FANCC: variants seen among roughly 807,000 people sequenced by gnomAD.
FANCC encodes Fanconi anemia group C protein.
Under a neutral mutation model 71.3 loss-of-function variants are expected in FANCC, and 55 were observed. That is an observed-to-expected ratio of 0.77 (90% CI 0.62 to 0.97). The LOEUF (loss-of-function observed/expected upper bound fraction) is 0.97. Ranked by LOEUF, FANCC falls within the 50% of genes least tolerant of loss-of-function variation. FANCC has a pLI of 0.00. For missense variants in FANCC, 678 were observed against 670.9 expected (o/e 1.01, Z -0.12); for synonymous variants, 275 against 244.9 (o/e 1.12, Z -1.15).
intron 1 of FANCC, among the ~76,000 whole-genome samples, chr9:95,265,525 A>G (rs1417067504): frequency 6.6e-6 from 1 of 152,164 alleles, no homozygotes; most frequent in East Asian, 1.9e-4. Context: ...GAAAAATACC[A>G]GCCTTCCCTC....
At chr9:95,310,322 G>A (rs535961240) in intron 1 of FANCC, among the ~76,000 whole-genome samples, 2 of 151,656 alleles carry the variant, frequency 1.3e-5, no homozygotes, top group African/African-American at 4.9e-5. Context: ...AGCTATGTTC[G>A]TGCCACTGCA....
Position 95,292,787 on chromosome 9 carries a change from C to T in FANCC, c.-79+24739G>A, listed in dbSNP as rs555133560. 8 of 1,536,848 alleles carry T rather than the reference C, an allele frequency of 5.2e-6. No individual in the cohort carries two copies. In the Admixed American group the frequency reaches 1.0e-4, roughly 19 times the overall value. On this transcript the variant is annotated intron_variant, in intron 1 of 14. Transcript: ENST00000289081. ...ACAGACCATTTTCTCAGTTTTCTCT[C>T]GTAAAACAGCACTTTATGAAAATCC...
chr9:95,241,191 TG>T (rs922189902), intron 3 of FANCC, among the ~76,000 whole-genome samples: 3 of 152,374 alleles, frequency 2.0e-5, no homozygotes, highest in African/African-American at 7.2e-5. Flanking sequence ...TATAGGCAGT[TG>T]GTAGCCAGTA....
intron 6 of FANCC, among the ~76,000 whole-genome samples, chr9:95,170,309 A>G (rs1825579947): frequency 6.6e-6 from 1 of 151,796 alleles, no homozygotes; most frequent in African/African-American, 2.4e-5. Context: ...TCTAATAATT[A>G]TATAGTTTAA....
chr9:95,188,674 G>T (rs1432105767), intron 4 of FANCC, among the ~76,000 whole-genome samples: 2 of 152,182 alleles, frequency 1.3e-5, no homozygotes, highest in African/African-American at 4.8e-5. Flanking sequence ...GTCAGTGTTT[G>T]TGTCTGTTTT....
At chr9:95,263,342 G>A (rs534439999) in intron 1 of FANCC, among the ~76,000 whole-genome samples, 1 of 152,136 alleles carries the variant, frequency 6.6e-6, no homozygotes, top group South Asian at 2.1e-4. Context: ...ATGTCTTAGG[G>A]AGACTGGGAT....
rs1440292981 is a variant in FANCC, at chr9:95,099,159, C to T, written c.*2548G>A. On this transcript the variant is annotated 3_prime_UTR_variant, in exon 15 of 15. Transcript: ENST00000289081. ...GATGTCACGGAGTCCAGGGGAATAACAGCCTGGTTGGAGGGGCGCTCTCCG... is the reference window on the plus strand; with the variant it reads ...GATGTCACGGAGTCCAGGGGAATAATAGCCTGGTTGGAGGGGCGCTCTCCG... 2.3e-5 allele frequency: 5 copies of T among 216,820 alleles called. No individual in the cohort carries two copies. The highest frequency in any genetic ancestry group is 5.8e-5 in the Admixed American group (1 of 17,120). 13.4% of individuals were successfully genotyped at this position (216,820 alleles called of 1,614,324 possible). A position where few individuals can be genotyped will look rare whatever the true frequency, so the allele number is the denominator to read the frequency against.
chr9:95,109,155 G>A (rs561388131), intron 13 of FANCC, among the ~76,000 whole-genome samples: 3 of 152,106 alleles, frequency 2.0e-5, no homozygotes, highest in South Asian at 2.1e-4. Context: ...CAAGTGATAC[G>A]GCCACCTCGG....
intron 1 of FANCC, among the ~76,000 whole-genome samples, chr9:95,271,527 T>A (rs1298289436): frequency 6.6e-6 from 1 of 151,808 alleles, no homozygotes; most frequent in Non-Finnish European, 1.5e-5. Flanking sequence ...GAGGAAGGTG[T>A]CCCCAGAGGG....
chr9:95,136,571 C>G (rs1182129040), intron 7 of FANCC, among the ~76,000 whole-genome samples: 1 of 152,104 alleles, frequency 6.6e-6, no homozygotes, highest in Non-Finnish European at 1.5e-5. Context: ...CCTGTAACCT[C>G]AAACTCCTAG....
At chr9:95,149,833 A>T in intron 7 of FANCC, 90 bp downstream of exon 7, 1 of 1,421,602 alleles carries the variant, frequency 7.0e-7, no homozygotes, top group Non-Finnish European at 9.7e-7. Flanking sequence ...AAACGTTTGG[A>T]CACTGCTGTC....
At chr9:95,267,842 T>C (rs758167407) in intron 1 of FANCC, among the ~76,000 whole-genome samples, 5 of 151,908 alleles carry the variant, frequency 3.3e-5, no homozygotes, top group Non-Finnish European at 5.9e-5. Context: ...AACTGCAAAG[T>C]ATGTAAATCA....
At chr9:95,269,856 A>G (rs551674017) in intron 1 of FANCC, among the ~76,000 whole-genome samples, 2 of 152,278 alleles carry the variant, frequency 1.3e-5, no homozygotes, top group Non-Finnish European at 2.9e-5. Flanking sequence ...ACACAGAGAC[A>G]AAGTATAGAG....
intron 2 of FANCC, among the ~76,000 whole-genome samples, chr9:95,248,034 C>A (rs1233966080): frequency 2.0e-5 from 3 of 152,142 alleles, no homozygotes; most frequent in African/African-American, 4.8e-5. Context: ...ATGTATATAT[C>A]TGTTTATTAC....
chr9:95,126,918 G>T (rs896328526), intron 8 of FANCC: 4 of 323,190 alleles, frequency 1.2e-5, no homozygotes, highest in African/African-American at 8.6e-5. Flanking sequence ...GAGCCTGCCT[G>T]TACTGCCAGT....
At chr9:95,206,310 G>A (rs541392696) in intron 4 of FANCC, among the ~76,000 whole-genome samples, 5 of 152,164 alleles carry the variant, frequency 3.3e-5, no homozygotes, top group Non-Finnish European at 5.9e-5. Context: ...AAATGTCTGC[G>A]GACCATGACC....
intron 1 of FANCC, among the ~76,000 whole-genome samples, chr9:95,299,131 T>G (rs1834571502): frequency 6.6e-6 from 1 of 152,210 alleles, no homozygotes; most frequent in African/African-American, 2.4e-5. Flanking sequence ...ATTTGAGCCT[T>G]AAGGGTACTC....
intron 10 of FANCC, among the ~76,000 whole-genome samples, chr9:95,124,761 G>T (rs1181060093): frequency 6.6e-6 from 1 of 152,186 alleles, no homozygotes; most frequent in African/African-American, 2.4e-5. Context: ...CTCAGATGCA[G>T]CCAGGGGGCA....
At chr9:95,207,620 C>T (rs144290976) in intron 4 of FANCC, among the ~76,000 whole-genome samples, 1 of 152,236 alleles carries the variant, frequency 6.6e-6, no homozygotes, top group Non-Finnish European at 1.5e-5. Flanking sequence ...CCTAGAACTC[C>T]GGGTGGCTCC....
Sources: gnomAD v4.1 joint callset for allele counts (sites outside exome capture counted in the v4.1 genomes callset) on GRCh38, gnomAD v4.1.1 for gene constraint, MANE v1.5 for transcripts, NCBI Gene and HGNC (gene_info 2026-07-23, HGNC 2026-07-21) for gene names.